STAT5A: variants seen among roughly 807,000 people sequenced by gnomAD.
STAT5A encodes epididymis secretory sperm binding protein.
A neutral mutation model predicts 100.2 loss-of-function variants in STAT5A; 26 were observed. The observed-to-expected ratio is 0.26, with a 90% CI of 0.19 to 0.36. The LOEUF (loss-of-function observed/expected upper bound fraction) is 0.36, where lower values mean the gene tolerates loss of function less well. Ranked by LOEUF, STAT5A falls within the 10% of genes least tolerant of loss-of-function variation. The probability of loss-of-function intolerance (pLI) is 1.00; values close to 1 mark genes in which losing one functional copy is unlikely to be tolerated. For synonymous variants in STAT5A, 330 were observed against 424.3 expected (o/e 0.78, Z 2.73); for missense variants, 634 against 1,027.5 (o/e 0.62, Z 5.24).
intron 1 of STAT5A, chr17:42,289,194 C>G (rs2080844317): frequency 2.0e-6 from 1 of 496,756 alleles, no homozygotes; most frequent in African/African-American, 2.0e-5. Context: ...GAGCACCTTC[C>G]CCTCCCCTTC....
intron 11 of STAT5A, 30 bp from the exon 12 acceptor site, chr17:42,305,580 C>A: frequency 1.9e-6 from 3 of 1,602,850 alleles, no homozygotes; most frequent in Admixed American, 1.7e-5. Context: ...GGTCACGCCC[C>A]ATCAACTTGG....
At position 42,307,687 on chromosome 17, in the gene STAT5A, A is replaced by G. The variant is rs755284379; in HGVS notation, c.1870A>G (p.Ile624Val). ...TFLLRFSDSE[I>V]GGITIAWKFD... ...CTTGTTGCGCTTTAGTGACTCAGAA[A>G]TCGGGGGCATCACCATCGCCTGGAA... is the stretch of plus-strand genomic sequence containing the variant. Residue 624 changes from isoleucine (I) to valine (V), a missense_variant, in exon 15 of 19, where the codon ATC becomes GTC. Physicochemically the swap from Ile to Val is conservative, Grantham distance 29. This residue lies in a region of STAT5A where 210 missense variants were observed against 428.4 expected (regional missense o/e 0.49). Transcript: ENST00000590949. 4.3e-6 allele frequency: 7 copies of G among 1,614,010 alleles called. No homozygotes were observed. The South Asian group carries it at 6.6e-5, about 15-fold the overall frequency.
At chr17:42,303,900 A>G (rs2081003970) in intron 9 of STAT5A, among the ~76,000 whole-genome samples, 1 of 152,148 alleles carries the variant, frequency 6.6e-6, no homozygotes, top group South Asian at 2.1e-4. Context: ...AGCAAGGGCC[A>G]ATGTCCAAGC....
intron 18 of STAT5A, 138 bp from the exon 19 acceptor site, chr17:42,310,368 TG>T: frequency 1.2e-6 from 1 of 834,030 alleles, no homozygotes; most frequent in Non-Finnish European, 1.9e-6. Context: ...CAGCTTGGGG[TG>T]GGGTGGGGGC....
rs372493965 is a variant in STAT5A, at chr17:42,292,912, G to A, written c.375+851G>A. Among the ~76,000 whole-genome samples the A allele has an allele frequency of 4.5e-4, 69 of 152,312 alleles. 4 individuals are homozygous for A. In the South Asian group the frequency reaches 0.014, roughly 32 times the overall value. On this transcript the variant is annotated intron_variant, in intron 4 of 18. Transcript: ENST00000590949. ...CAAAGTGTTGGGATTACAGGCGTGA[G>A]CCACCGTGCCCGGCCTGTTCCTACT...
chr17:42,291,910 G>T, intron 3 of STAT5A, 62 bp from the exon 4 acceptor site: 1 of 1,579,502 alleles, frequency 6.3e-7, no homozygotes, highest in Non-Finnish European at 8.7e-7. Flanking sequence ...GCTGGGCATA[G>T]CATGGGGCTG....
rs1317599296 is a variant in STAT5A, at chr17:42,300,153, G to A, written c.705G>A (p.Lys235=). The A allele has an allele frequency of 2.0e-6, 3 of 1,474,224 alleles. No homozygotes were observed. The Admixed American group carries it at 6.1e-5, about 30-fold the overall frequency. 91.3% of individuals were successfully genotyped at this position (1,474,224 alleles called of 1,614,324 possible). The change falls in exon 7 of 19, where the codon AAG becomes AAA. Residue 235 remains lysine, a synonymous_variant. Coordinates refer to ENST00000590949, the MANE Select transcript of STAT5A (RefSeq NM_001288718.2). Reference sequence around the variant, plus strand: ...AGGAGCTGGCCGAGAAGCACCAGAAGACCCTGCAGCTGCTGCGGAAGCAGC... The same window carrying A: ...AGGAGCTGGCCGAGAAGCACCAGAAAACCCTGCAGCTGCTGCGGAAGCAGC... The part of the protein sequence containing the change: ...YRVELAEKHQ[K]TLQLLRKQQT...
chr17:42,291,450 C>CTT (rs2080867612), intron 3 of STAT5A, among the ~76,000 whole-genome samples: 1 of 152,120 alleles, frequency 6.6e-6, no homozygotes, highest in Non-Finnish European at 1.5e-5. Flanking sequence ...GGTATGATGG[C>CTT]TCACACCTGT....
chr17:42,291,895 G>T, intron 3 of STAT5A, 77 bp from the exon 4 acceptor site: 1 of 1,512,108 alleles, frequency 6.6e-7, no homozygotes, highest in Admixed American at 1.8e-5. Context: ...TGAAGGAGAG[G>T]AAGGGCTGGG....
At chr17:42,290,182 G>A (rs2080857149) in intron 3 of STAT5A, 160 bp downstream of exon 3, 10 of 1,094,264 alleles carry the variant, frequency 9.1e-6, no homozygotes, top group South Asian at 2.0e-5. Context: ...TTCTAAATTC[G>A]ACCTGTCGGA....
rs147382059 is a variant in STAT5A, at chr17:42,297,137, C to T, written c.550+1344C>T. Among the ~76,000 whole-genome samples, 208 of 152,060 alleles carry T rather than the reference C, an allele frequency of 1.4e-3. 2 individuals carry two copies. Among genetic ancestry groups the T allele is most frequent in the East Asian group, 3.9e-3 (20 of 5,178 alleles). ...AGTTTTAGTAGATACAGGGTTGTGC[C>T]GTGTTGTCCAGGCTGGTTGCAACCT... On this transcript the variant is annotated intron_variant, in intron 5 of 18. Coordinates refer to ENST00000590949, the MANE Select transcript of STAT5A (RefSeq NM_001288718.2).
Position 42,295,865 on chromosome 17 carries a change from A to G in STAT5A, c.550+72A>G. 5 of 1,570,156 alleles carry G rather than the reference A, an allele frequency of 3.2e-6. No individual in the cohort carries two copies. The South Asian group carries it at 5.8e-5, about 18-fold the overall frequency. On this transcript the variant is annotated intron_variant, in intron 5 of 18. Transcript: ENST00000590949. ...AACATTCTATGGACTCCTAGAGGGT[A>G]GAGCTGGGTCAGTGTCCATCTCCTC...
In STAT5A at chr17:42,308,503, G is replaced by A; in HGVS notation, c.2062+170G>A. The A allele has an allele frequency of 1.2e-6, 1 of 845,322 alleles. No individual in the cohort carries two copies. The highest frequency in any genetic ancestry group is 1.7e-5 in the South Asian group (1 of 57,500). The allele number at this position is 845,322 out of a possible 1,614,324, so 52.4% of individuals were successfully genotyped here. On this transcript the variant is annotated intron_variant, in intron 16 of 18. Coordinates refer to ENST00000590949, the MANE Select transcript of STAT5A (RefSeq NM_001288718.2). This position sits in a 1 kb window ranked among gnomAD's most constrained non-coding sequence, Gnocchi z 4.6. ...GGAGAGGATTTCAGGGCTCACAAAT[G>A]AGGAGAGGGAACGAGAAACCCGTCC...
At chr17:42,309,299 C>T in intron 17 of STAT5A, 78 bp from the exon 18 acceptor site, 3 of 1,558,236 alleles carry the variant, frequency 1.9e-6, no homozygotes, top group Non-Finnish European at 2.6e-6. Flanking sequence ...GAAAGACAAA[C>T]ATGCCCCTCG....
At position 42,304,378 on chromosome 17, in the gene STAT5A, G is replaced by A. The variant is rs1052599942; in HGVS notation, c.1206G>A (p.Val402=). The stretch of plus-strand genomic sequence containing the variant: ...GTGAGATCCTGAACAACTGCTGCGT[G>A]ATGGAGTACCACCAAGCCACGGGCA... ...CSGEILNNCC[V]MEYHQATGTL... Residue 402 remains valine, a synonymous_variant, in exon 10 of 19, where the codon GTG becomes GTA. Coordinates refer to ENST00000590949, the MANE Select transcript of STAT5A (RefSeq NM_001288718.2). The surrounding 1 kb of genome is among the most constrained non-coding windows in gnomAD (Gnocchi z 4.8). 2 of 1,614,252 alleles carry A rather than the reference G, an allele frequency of 1.2e-6. No homozygotes were observed. Among genetic ancestry groups the A allele is most frequent in the East Asian group, 2.2e-5 (1 of 44,884 alleles).
intron 12 of STAT5A, 37 bp downstream of exon 12, chr17:42,305,739 G>A (rs776647646): frequency 5.1e-5 from 82 of 1,607,384 alleles, no homozygotes; most frequent in Non-Finnish European, 1.7e-6. Flanking sequence ...AGCACCCCCA[G>A]GCCCTAGGAC....
chr17:42,309,934 T>C (rs2081064531), intron 18 of STAT5A, among the ~76,000 whole-genome samples: 1 of 152,184 alleles, frequency 6.6e-6, no homozygotes, highest in South Asian at 2.1e-4. Flanking sequence ...GGGCTGGATG[T>C]CTGGGAGGTA....
At chr17:42,297,094 C>A (rs1353043164) in intron 5 of STAT5A, among the ~76,000 whole-genome samples, 6 of 151,958 alleles carry the variant, frequency 3.9e-5, no homozygotes, top group Admixed American at 3.9e-4. Flanking sequence ...CCATGCCTGG[C>A]TAATTTTTTT....
At position 42,289,801 on chromosome 17, in the gene STAT5A, A is replaced by G. The variant is rs8067443; in HGVS notation, c.129-65A>G. The G allele has an allele frequency of 0.019, 28,097 of 1,448,466 alleles. 4,301 individuals carry two copies. The African/African-American group carries it at 0.35, about 18-fold the overall frequency. 89.7% of individuals were successfully genotyped at this position (1,448,466 alleles called of 1,614,324 possible). ...GAGCCTGGGGTTTCCACTTTATTCC[A>G]GCTCCCTGACCTCCTTGCCCAAGGA... On this transcript the variant is annotated intron_variant, in intron 2 of 18. Coordinates refer to ENST00000590949, the MANE Select transcript of STAT5A (RefSeq NM_001288718.2).
Sources: gnomAD v4.1 joint callset for allele counts (sites outside exome capture counted in the v4.1 genomes callset) on GRCh38, gnomAD v4.1.1 for gene constraint, gnomAD v4.1.1 regional missense constraint, Gnocchi (gnomAD v3.1) non-coding constraint, MANE v1.5 for transcripts, NCBI Gene and HGNC (gene_info 2026-07-23, HGNC 2026-07-21) for gene names.